COL18A1: variants seen among roughly 807,000 people sequenced by gnomAD.
COL18A1 encodes the protein collagen type XVIII alpha 1 chain.
COL18A1 carries 133 observed loss-of-function variants against 168.0 expected under a neutral mutation model. That is an observed-to-expected ratio of 0.79 (90% CI 0.69 to 0.91). The LOEUF is 0.91. COL18A1 is among the 40% of genes least tolerant of loss of function. The pLI is 0.00. For missense variants in COL18A1, 2,126 were observed against 1,925.4 expected, an observed-to-expected ratio of 1.10 and a Z score of -1.95; for synonymous variants, 949 against 809.0, an observed-to-expected ratio of 1.17 and a Z score of -2.94.
intron 2 of COL18A1, chr21:45,421,323 T>C (rs754007929): frequency 4.2e-6 from 2 of 478,112 alleles, no homozygotes; most frequent in Non-Finnish European, 8.7e-6. Context: ...CGGTCACGCT[T>C]GCACGGGGCA....
chr21:45,468,387 C>A lies in COL18A1; in HGVS notation c.252C>A (p.Phe84Leu), dbSNP rs753638853. 1 of 1,613,868 alleles carries A rather than the reference C, an allele frequency of 6.2e-7. No homozygotes were observed. The highest frequency in any genetic ancestry group is 8.5e-7 in the Non-Finnish European group (1 of 1,180,056). The change falls in exon 3 of 42, where the codon TTC becomes TTA. Residue 84 changes from phenylalanine to leucine, a missense_variant. By Grantham distance (22) the Phe-to-Leu change is conservative. Transcript: ENST00000651438. ...GTGGCCAAGTGGCCCGGTACCACTT[C>A]CCCAGCCTCTTCTTCCGTGACTTCT... ...ANSGQVARYHFPSLFFRDFSL... is the reference protein window; with the variant it reads ...ANSGQVARYHLPSLFFRDFSL...
At chr21:45,448,504 C>T (rs2034551176) in intron 2 of COL18A1, among the ~76,000 whole-genome samples, 1 of 152,234 alleles carries the variant, frequency 6.6e-6, no homozygotes, top group Non-Finnish European at 1.5e-5. Flanking sequence ...TGCATGTATC[C>T]ATATCCACAC....
intron 2 of COL18A1, among the ~76,000 whole-genome samples, chr21:45,452,831 A>G (rs1031170836): frequency 4.2e-5 from 6 of 142,746 alleles, no homozygotes; most frequent in African/African-American, 8.3e-5. Flanking sequence ...AGCATGTATG[A>G]CATGTGTAAA....
intron 37 of COL18A1, chr21:45,506,760 TC>T (rs879281334): frequency 0.016 from 464 of 28,434 alleles, 5 homozygotes; most frequent in Middle Eastern, 0.15. Flanking sequence ...CCTCCCACCT[TC>T]CCTCTGGAAC....
chr21:45,406,992 C>G (rs1178670696), intron 2 of COL18A1, among the ~76,000 whole-genome samples: 1 of 152,208 alleles, frequency 6.6e-6, no homozygotes, highest in Admixed American at 6.5e-5. Flanking sequence ...CAGGAAGGCC[C>G]CTTGGAGGTG....
intron 8 of COL18A1, 35 bp from the exon 9 acceptor site, chr21:45,478,292 T>C (rs1367454864): frequency 1.9e-6 from 3 of 1,613,728 alleles, no homozygotes; most frequent in African/African-American, 1.3e-5. Context: ...GGAGGAGTCA[T>C]TTCCCATCAC....
intron 18 of COL18A1, 71 bp downstream of exon 18, chr21:45,488,515 G>A (rs534099347): frequency 2.4e-5 from 39 of 1,610,534 alleles, no homozygotes; most frequent in African/African-American, 2.4e-4. Context: ...GGGGCTGGGG[G>A]AGACAGGGCC....
At chr21:45,458,308 A>G (rs1456081801) in intron 2 of COL18A1, among the ~76,000 whole-genome samples, 106 of 86,292 alleles carry the variant, frequency 1.2e-3, no homozygotes, top group South Asian at 2.4e-3. Context: ...CCAGGCAGGG[A>G]CCGTGCCCAC....
intron 2 of COL18A1, among the ~76,000 whole-genome samples, chr21:45,452,854 TGTG>T (rs1569296663): frequency 2.8e-5 from 2 of 71,130 alleles, no homozygotes; most frequent in African/African-American, 5.6e-5. Context: ...TGTATGTATG[TGTG>T]GGGCTTGTGT....
chr21:45,475,675 CAG>C (rs2035621483), intron 5 of COL18A1, 140 bp downstream of exon 5: 1 of 801,996 alleles, frequency 1.2e-6, no homozygotes, highest in Non-Finnish European at 2.0e-6. Flanking sequence ...TGGCTGGGGA[CAG>C]GGATGCTGGG....
At chr21:45,459,016 G>A (rs2034949906) in intron 2 of COL18A1, among the ~76,000 whole-genome samples, 1 of 152,204 alleles carries the variant, frequency 6.6e-6, no homozygotes, top group South Asian at 2.1e-4. Context: ...CTGAACATCT[G>A]GACAGCTTGG....
rs559227502 is a variant in COL18A1 at position 45,438,440 on chromosome 21, C to G, written c.107-29802C>G. 3.9e-5 allele frequency among the ~76,000 whole-genome samples: 6 copies of G among 152,370 alleles called. No individual in the cohort carries two copies. The East Asian group carries it at 1.2e-3, about 29-fold the overall frequency. ...GGGCAGGGGACCCCGGACCTGGCCT[C>G]TGGAGCTCATCCCTGGGTGCCTGGG... On this transcript the variant is annotated intron_variant, in intron 2 of 41. Coordinates refer to ENST00000651438, the MANE Select transcript of COL18A1 (RefSeq NM_001379500.1).
chr21:45,417,385 A>G (rs574489745), intron 2 of COL18A1, among the ~76,000 whole-genome samples: 204 of 152,284 alleles, frequency 1.3e-3, no homozygotes, highest in African/African-American at 4.7e-3. Context: ...TGGCCCCCGA[A>G]CGTGCCTGCC....
At chr21:45,489,134 G>C (rs1289474306) in intron 18 of COL18A1, among the ~76,000 whole-genome samples, 1 of 152,240 alleles carries the variant, frequency 6.6e-6, no homozygotes, top group African/African-American at 2.4e-5. Context: ...GCTTTCATTT[G>C]CAAGACATCG....
chr21:45,505,998 G>T (rs746693548), intron 37 of COL18A1, 32 bp downstream of exon 37: 2 of 1,612,646 alleles, frequency 1.2e-6, no homozygotes. Context: ...TTCTGGACCC[G>T]TGGAAGGGCC....
intron 2 of COL18A1, among the ~76,000 whole-genome samples, chr21:45,448,961 G>C (rs183987467): frequency 6.6e-6 from 1 of 152,224 alleles, no homozygotes; most frequent in Non-Finnish European, 1.5e-5. Flanking sequence ...CTGCCTGCTC[G>C]TGTTTAGGTG....
At chr21:45,438,130 GCA>G (rs199911477) in intron 2 of COL18A1, among the ~76,000 whole-genome samples, 12,284 of 75,946 alleles carry the variant, frequency 0.16, 1,802 homozygotes, top group East Asian at 0.2. Flanking sequence ...GCACTCTCCT[GCA>G]CACACACACT....
At chr21:45,499,038 C>T (rs1602569888) in intron 32 of COL18A1, among the ~76,000 whole-genome samples, 4 of 152,322 alleles carry the variant, frequency 2.6e-5, no homozygotes, top group Admixed American at 2.6e-4. Context: ...GATGCTCTTC[C>T]AAAGCCAAGG....
chr21:45,432,453 G>A (rs969727383), intron 2 of COL18A1, among the ~76,000 whole-genome samples: 4 of 152,360 alleles, frequency 2.6e-5, no homozygotes, highest in Admixed American at 2.6e-4. Context: ...GGAGTGGGAT[G>A]GACTGGGGTG....
Sources: gnomAD v4.1 joint callset for allele counts (sites outside exome capture counted in the v4.1 genomes callset) on GRCh38, gnomAD v4.1.1 for gene constraint, MANE v1.5 for transcripts, NCBI Gene and HGNC (gene_info 2026-07-23, HGNC 2026-07-21) for gene names.